NHSL2: variants seen among roughly 807,000 people sequenced by gnomAD.
NHSL2 encodes the protein NHS-like protein 2.
A neutral mutation model predicts 53.4 loss-of-function variants in NHSL2; 27 were observed. That is an observed-to-expected ratio of 0.51 (90% CI 0.37 to 0.70). The LOEUF is 0.70. Ranked by LOEUF, NHSL2 falls within the 30% of genes least tolerant of loss-of-function variation. The pLI, the probability that NHSL2 is intolerant of heterozygous loss-of-function variation, is 0.00. For missense variants in NHSL2, 892 were observed against 980.1 expected (o/e 0.91, Z 1.20); for synonymous variants, 408 against 404.1 (o/e 1.01, Z -0.12).
intron 1 of NHSL2, among the ~76,000 whole-genome samples, chrX:72,043,519 A>C (rs1265495994): frequency 9.0e-6 from 1 of 111,321 alleles, no homozygotes; most frequent in Non-Finnish European, 1.9e-5. Flanking sequence ...AAATTGCCTG[A>C]AGCCACACAG....
intron 1 of NHSL2, among the ~76,000 whole-genome samples, chrX:71,979,031 G>A (rs1184469902): frequency 4.7e-5 from 5 of 107,417 alleles, no homozygotes; most frequent in Admixed American, 1.0e-4. Flanking sequence ...TTGTCCTTGC[G>A]ATAGTTTGCT....
At chrX:72,096,943 A>G (rs1358081546) in intron 1 of NHSL2, among the ~76,000 whole-genome samples, 1 of 112,023 alleles carries the variant, frequency 8.9e-6, no homozygotes, top group Non-Finnish European at 1.9e-5. Context: ...ATTTTTAACT[A>G]TAGTCATCCT....
chrX:72,102,410 C>G lies in NHSL2; in HGVS notation c.281-29669C>G, dbSNP rs912323776. Among the ~76,000 whole-genome samples, 5 of 111,963 alleles carry G rather than the reference C, an allele frequency of 4.5e-5. No individual in the cohort carries two copies. In the Admixed American group the frequency reaches 4.7e-4, roughly 11 times the overall value. On this transcript the variant is annotated intron_variant, in intron 1 of 7. Transcript: ENST00000633930. ...GGCATCAGACAGACTTAGTTCAAGTCTCAACCCTGCTATTTCCTGTATATA... is the reference window on the plus strand; with the variant it reads ...GGCATCAGACAGACTTAGTTCAAGTGTCAACCCTGCTATTTCCTGTATATA...
chrX:71,916,865 T>G (rs1214773132), intron 1 of NHSL2, among the ~76,000 whole-genome samples: 1 of 112,511 alleles, frequency 8.9e-6, no homozygotes, highest in Non-Finnish European at 1.9e-5. Flanking sequence ...AGAGTAGTGC[T>G]TATTCAGTCC....
At position 72,131,296 on chromosome X, in the gene NHSL2, C is replaced by A. The variant is rs1158538742; in HGVS notation, c.281-783C>A. On this transcript the variant is annotated intron_variant, in intron 1 of 7. Coordinates refer to ENST00000633930, the MANE Select transcript of NHSL2 (RefSeq NM_001013627.3). The stretch of plus-strand genomic sequence containing the variant: ...AGGCCGGCACAAGAAGGGCAGTTCT[C>A]CCCCGGGAATGACTTCGATCTCACT... The A allele has an allele frequency of 4.2e-6, 5 of 1,195,595 alleles. No homozygotes were observed. The African/African-American group carries it at 7.2e-5, about 17-fold the overall frequency.
intron 4 of NHSL2, 104 bp downstream of exon 4, chrX:72,134,808 C>A: frequency 1.6e-6 from 1 of 616,884 alleles, no homozygotes; most frequent in Non-Finnish European, 2.5e-6. Flanking sequence ...ACTTTCTTTG[C>A]TACCGGCTCA....
intron 1 of NHSL2, among the ~76,000 whole-genome samples, chrX:72,121,027 G>C (rs184781894): frequency 3.9e-3 from 444 of 112,639 alleles, no homozygotes; most frequent in Non-Finnish European, 6.8e-3. Flanking sequence ...CCTGGGGCCT[G>C]CTCTTCGTGA....
At chrX:71,951,247 G>T (rs778310619) in intron 1 of NHSL2, among the ~76,000 whole-genome samples, 2 of 111,573 alleles carry the variant, frequency 1.8e-5, no homozygotes, top group Non-Finnish European at 3.8e-5. Context: ...AGTCTTACCT[G>T]CACTGACAGG....
intron 1 of NHSL2, among the ~76,000 whole-genome samples, chrX:71,941,104 A>G (rs1350829260): frequency 1.8e-5 from 2 of 111,923 alleles, no homozygotes; most frequent in Non-Finnish European, 3.8e-5. Context: ...GCTGCTGCTT[A>G]CAACTTCTCT....
At chrX:72,135,006 G>A (rs1394378930) in intron 4 of NHSL2, among the ~76,000 whole-genome samples, 2 of 112,570 alleles carry the variant, frequency 1.8e-5, no homozygotes, top group Non-Finnish European at 3.7e-5. Context: ...GAGCACTTAT[G>A]GAAACTTAAA....
chrX:72,142,633 G>C (rs1292672442), intron 7 of NHSL2, among the ~76,000 whole-genome samples: 1 of 110,545 alleles, frequency 9.0e-6, no homozygotes, highest in Non-Finnish European at 1.9e-5. Flanking sequence ...AGGAGGACCA[G>C]GTGCCGAGTG....
At chrX:72,056,391 T>C (rs1392644757) in intron 1 of NHSL2, among the ~76,000 whole-genome samples, 1 of 112,173 alleles carries the variant, frequency 8.9e-6, no homozygotes, top group Non-Finnish European at 1.9e-5. Flanking sequence ...TGGGGCATTA[T>C]GCAGCTGTTG....
At chrX:72,125,159 G>T (rs776530137) in intron 1 of NHSL2, among the ~76,000 whole-genome samples, 1 of 112,339 alleles carries the variant, frequency 8.9e-6, no homozygotes, top group South Asian at 3.7e-4. Flanking sequence ...CCCCACTTAG[G>T]CTTCTGCAGT....
chrX:72,008,425 G>A (rs2042103030), intron 1 of NHSL2, among the ~76,000 whole-genome samples: 1 of 112,080 alleles, frequency 8.9e-6, no homozygotes. Context: ...CCAATAAGGG[G>A]TTTAGAGCAG....
At chrX:72,108,427 C>T (rs919468877) in intron 1 of NHSL2, among the ~76,000 whole-genome samples, 4 of 112,598 alleles carry the variant, frequency 3.6e-5, no homozygotes, top group Admixed American at 9.3e-5. Context: ...ACTATTCTTA[C>T]GTCATTTTAC....
chrX:72,007,001 G>C (rs1009141217), intron 1 of NHSL2, among the ~76,000 whole-genome samples: 1 of 112,344 alleles, frequency 8.9e-6, no homozygotes, highest in Non-Finnish European at 1.9e-5. Flanking sequence ...GCAGGGCAAA[G>C]AGGAAGTGGA....
At chrX:72,015,201 C>T (rs2042130825) in intron 1 of NHSL2, among the ~76,000 whole-genome samples, 1 of 111,383 alleles carries the variant, frequency 9.0e-6, no homozygotes, top group Non-Finnish European at 1.9e-5. Flanking sequence ...TGCAGGTGTA[C>T]ATTCTTCTCT....
intron 1 of NHSL2, among the ~76,000 whole-genome samples, chrX:72,039,059 C>CTCTTT (rs1233048846): frequency 7.5e-5 from 5 of 66,496 alleles, no homozygotes; most frequent in African/African-American, 1.5e-4. Flanking sequence ...TCCTTCCCTT[C>CTCTTT]TCTTTTCTTT....
chrX:71,913,759 CACTG>C (rs1231598134), intron 1 of NHSL2, among the ~76,000 whole-genome samples: 1 of 112,546 alleles, frequency 8.9e-6, no homozygotes, highest in Non-Finnish European at 1.9e-5. Flanking sequence ...ACTTGGCTGC[CACTG>C]ACTGAGTAGT....
Sources: allele counts gnomAD v4.1 joint callset (sites outside exome capture counted in the v4.1 genomes callset), GRCh38; gene constraint gnomAD v4.1.1; transcripts MANE v1.5; gene names NCBI Gene and HGNC (gene_info 2026-07-23, HGNC 2026-07-21).